The following PCED1B variants were observed in gnomAD, a reference collection of about 807,000 sequenced individuals.
PCED1B encodes the protein PC-esterase domain containing 1B.
For synonymous variants in PCED1B, 251 were observed against 246.1 expected (o/e 1.02, Z -0.19); for missense variants, 573 against 573.9 (o/e 1.00, Z 0.02).
intron 3 of PCED1B, among the ~76,000 whole-genome samples, chr12:47,230,604 G>A (rs369895503): frequency 6.6e-6 from 1 of 152,028 alleles, no homozygotes; most frequent in Admixed American, 6.5e-5. Context: ...ACCATGCCTG[G>A]CTAATTTTTG....
intron 2 of PCED1B, among the ~76,000 whole-genome samples, chr12:47,175,515 C>G (rs1292703272): frequency 6.6e-6 from 1 of 152,122 alleles, no homozygotes. Flanking sequence ...AGAAATCCCA[C>G]TTCAGAATTC....
chr12:47,185,572 T>G (rs1213804864), intron 2 of PCED1B, among the ~76,000 whole-genome samples: 1 of 151,670 alleles, frequency 6.6e-6, no homozygotes, highest in Non-Finnish European at 1.5e-5. Flanking sequence ...GTGGATCACT[T>G]AAGGCCAGCA....
At chr12:47,173,846 T>C (rs1325769853) in intron 2 of PCED1B, among the ~76,000 whole-genome samples, 1 of 152,224 alleles carries the variant, frequency 6.6e-6, no homozygotes, top group East Asian at 1.9e-4. Flanking sequence ...TTCTCAGGTG[T>C]TTCATATGTT....
chr12:47,215,844 A>C (rs370303612), intron 2 of PCED1B, among the ~76,000 whole-genome samples: 3 of 135,282 alleles, frequency 2.2e-5, no homozygotes, highest in African/African-American at 8.9e-5. Flanking sequence ...CACCTGAGGT[A>C]AGGAGTTCGA....
intron 1 of PCED1B, among the ~76,000 whole-genome samples, chr12:47,091,544 A>G (rs962107539): frequency 6.6e-6 from 1 of 152,114 alleles, no homozygotes; most frequent in Non-Finnish European, 1.5e-5. Flanking sequence ...TTTAGTTTCA[A>G]TGTAGCCAAG....
At chr12:47,156,400 T>TTACCAAG (rs1941194026) in intron 2 of PCED1B, among the ~76,000 whole-genome samples, 1 of 152,192 alleles carries the variant, frequency 6.6e-6, no homozygotes, top group East Asian at 1.9e-4. Flanking sequence ...AGAAAGATTT[T>TTACCAAG]CATTTTGCAC....
At chr12:47,185,405 G>A (rs1477535096) in intron 2 of PCED1B, among the ~76,000 whole-genome samples, 1 of 152,208 alleles carries the variant, frequency 6.6e-6, no homozygotes. Context: ...GCTGCAAGCC[G>A]AGGAATGCCA....
chr12:47,195,947 C>T (rs946159646), intron 2 of PCED1B, among the ~76,000 whole-genome samples: 3 of 152,084 alleles, frequency 2.0e-5, no homozygotes, highest in Admixed American at 2.0e-4. Context: ...TTAAAAACTG[C>T]TTAGTTTTCT....
intron 1 of PCED1B, among the ~76,000 whole-genome samples, chr12:47,100,437 C>T (rs910876662): frequency 1.3e-5 from 2 of 152,140 alleles, no homozygotes; most frequent in African/African-American, 4.8e-5. Flanking sequence ...ATGTGCTTAT[C>T]TTTATACTAA....
chr12:47,153,242 T>C (rs7313938), intron 2 of PCED1B, among the ~76,000 whole-genome samples: 91,920 of 150,100 alleles, frequency 0.61, 28,941 homozygotes, highest in South Asian at 0.72. Flanking sequence ...CCCAGCTACT[T>C]GGGAGGCTGA....
chr12:47,217,500 G>GAAAA (rs1399446564), intron 3 of PCED1B, among the ~76,000 whole-genome samples: 2 of 116,144 alleles, frequency 1.7e-5, no homozygotes, highest in Admixed American at 7.7e-5. Flanking sequence ...AAGAAAGAAA[G>GAAAA]AAAGAAAGAA....
chr12:47,111,038 G>A (rs1041104282), intron 2 of PCED1B, among the ~76,000 whole-genome samples: 1 of 152,186 alleles, frequency 6.6e-6, no homozygotes, highest in African/African-American at 2.4e-5. Flanking sequence ...GAATTCAATT[G>A]CTTTGTAAGT....
intron 2 of PCED1B, among the ~76,000 whole-genome samples, chr12:47,205,078 A>G (rs962560402): frequency 1.3e-5 from 2 of 152,146 alleles, no homozygotes; most frequent in African/African-American, 2.4e-5. Context: ...TTTTATTATT[A>G]CTCAAATCAG....
intron 2 of PCED1B, among the ~76,000 whole-genome samples, chr12:47,151,809 T>G (rs7963822): frequency 6.6e-6 from 1 of 151,988 alleles, no homozygotes; most frequent in Admixed American, 6.6e-5. Context: ...TGAGATGAGA[T>G]CCACCCACAC....
At chr12:47,171,968 T>C (rs1023947465) in intron 2 of PCED1B, among the ~76,000 whole-genome samples, 1 of 152,158 alleles carries the variant, frequency 6.6e-6, no homozygotes. Flanking sequence ...ATTTGCATAG[T>C]TGATCTTTCT....
intron 2 of PCED1B, among the ~76,000 whole-genome samples, chr12:47,196,877 A>T (rs779231963): frequency 1.4e-4 from 21 of 152,000 alleles, no homozygotes; most frequent in Non-Finnish European, 2.1e-4. Flanking sequence ...AAATATGAAC[A>T]TAAAATTAAC....
At chr12:47,161,351 C>G (rs1941370938) in intron 2 of PCED1B, among the ~76,000 whole-genome samples, 1 of 152,166 alleles carries the variant, frequency 6.6e-6, no homozygotes, top group Non-Finnish European at 1.5e-5. Flanking sequence ...ATTGAATTAT[C>G]TTAGTACCGT....
intron 2 of PCED1B, among the ~76,000 whole-genome samples, chr12:47,120,536 T>A (rs1327482143): frequency 6.6e-6 from 1 of 152,172 alleles, no homozygotes; most frequent in African/African-American, 2.4e-5. Flanking sequence ...ACGCAGTGGC[T>A]CATGCCTGTA....
chr12:47,084,980 C>T (rs1253157308), intron 1 of PCED1B, among the ~76,000 whole-genome samples: 1 of 152,182 alleles, frequency 6.6e-6, no homozygotes, highest in Non-Finnish European at 1.5e-5. Context: ...CCCGTCTCTA[C>T]TAAAGTTACA....
Sources: allele counts gnomAD v4.1 joint callset (sites outside exome capture counted in the v4.1 genomes callset), GRCh38; gene constraint gnomAD v4.1.1; transcripts MANE v1.5; gene names NCBI Gene and HGNC (gene_info 2026-07-23, HGNC 2026-07-21).